The following MEI4 variants were observed in gnomAD, a reference collection of about 807,000 sequenced individuals.
The protein encoded by MEI4 is meiotic double-stranded break formation protein 4.
MEI4 carries 27 observed loss-of-function variants against 31.4 expected under a neutral mutation model. The ratio of observed to expected loss-of-function variants is 0.86; its 90% CI spans 0.63 to 1.19. The LOEUF (loss-of-function observed/expected upper bound fraction) is 1.19, where lower values mean the gene tolerates loss of function less well. Among genes scored for constraint, MEI4 ranks in the 50% most tolerant of loss-of-function variants. The probability of loss-of-function intolerance (pLI) is 0.00; values close to 1 mark genes in which losing one functional copy is unlikely to be tolerated. For synonymous variants in MEI4, 122 were observed against 145.4 expected (o/e 0.84, Z 1.16); for missense variants, 329 against 398.9 (o/e 0.82, Z 1.49).
intron 3 of MEI4, among the ~76,000 whole-genome samples, chr6:77,821,277 T>C (rs560741499): frequency 2.0e-5 from 3 of 152,354 alleles, no homozygotes; most frequent in East Asian, 1.9e-4. Flanking sequence ...TTAACAGATT[T>C]CAAGTTTACT....
At chr6:77,733,315 G>A (rs1767068771) in intron 2 of MEI4, among the ~76,000 whole-genome samples, 2 of 152,106 alleles carry the variant, frequency 1.3e-5, no homozygotes, top group South Asian at 4.2e-4. Context: ...TCCTGTTATT[G>A]GTCTATTCAG....
intron 2 of MEI4, among the ~76,000 whole-genome samples, chr6:77,736,027 C>T (rs1287107122): frequency 6.7e-6 from 1 of 149,430 alleles, no homozygotes; most frequent in African/African-American, 2.4e-5. Context: ...AGAACCACTG[C>T]TCTCTTCAAA....
At chr6:77,776,629 A>G (rs1768449252) in intron 3 of MEI4, among the ~76,000 whole-genome samples, 1 of 152,180 alleles carries the variant, frequency 6.6e-6, no homozygotes, top group Non-Finnish European at 1.5e-5. Context: ...AAGCAGCCAC[A>G]TAAAGAAGGA....
chr6:77,730,858 A>C lies in MEI4; in HGVS notation c.233-30272A>C, dbSNP rs151278629. On this transcript the variant is annotated intron_variant, in intron 2 of 4. Transcript: ENST00000684080. Reference sequence around the variant, plus strand: ...TGTTCTCATTGTTCAATTCCCGCCTATGAGTGAGAATATGCAGTGTTTGGT... The same window carrying C: ...TGTTCTCATTGTTCAATTCCCGCCTCTGAGTGAGAATATGCAGTGTTTGGT... Among the ~76,000 whole-genome samples the C allele has an allele frequency of 5.5e-3, 782 of 143,258 alleles. 14 individuals are homozygous for C. The highest frequency in any genetic ancestry group is 0.019 in the African/African-American group (735 of 37,930). The allele number at this position is 143,258 out of a possible 152,430, so 94.0% of individuals were successfully genotyped here. A position where few individuals can be genotyped will look rare whatever the true frequency, so the allele number is the denominator to read the frequency against.
At chr6:77,897,291 G>A (rs1040653054) in intron 4 of MEI4, among the ~76,000 whole-genome samples, 6 of 151,874 alleles carry the variant, frequency 4.0e-5, no homozygotes, top group Admixed American at 3.9e-4. Flanking sequence ...TGTCCTTATT[G>A]GGAGTTTCAG....
At chr6:77,868,499 CTACATATATATATATATATA>C (rs1771108817) in intron 4 of MEI4, among the ~76,000 whole-genome samples, 1 of 61,770 alleles carries the variant, frequency 1.6e-5, no homozygotes, top group African/African-American at 5.8e-5. Flanking sequence ...GTAAAAAATA[CTACATATATATATATATATA>C]TATATATATG....
intron 4 of MEI4, among the ~76,000 whole-genome samples, chr6:77,846,326 G>A (rs753088743): frequency 3.2e-4 from 48 of 151,606 alleles, no homozygotes; most frequent in Non-Finnish European, 6.6e-4. Flanking sequence ...ATGTTTTTTT[G>A]TCATTCGATG....
chr6:77,740,515 A>G (rs1420998458), intron 2 of MEI4, among the ~76,000 whole-genome samples: 2 of 152,306 alleles, frequency 1.3e-5, no homozygotes, highest in Non-Finnish European at 2.9e-5. Context: ...GCAGAAGTCA[A>G]TTGCTTTAAA....
At chr6:77,807,511 T>G (rs1769469738) in intron 3 of MEI4, among the ~76,000 whole-genome samples, 1 of 152,132 alleles carries the variant, frequency 6.6e-6, no homozygotes, top group Non-Finnish European at 1.5e-5. Flanking sequence ...TTATCTACCC[T>G]TGCTCCTTAA....
chr6:77,750,143 C>A (rs1214213249), intron 2 of MEI4, among the ~76,000 whole-genome samples: 1 of 152,132 alleles, frequency 6.6e-6, no homozygotes, highest in African/African-American at 2.4e-5. Context: ...AAAGGAACAA[C>A]CGGTACCAGT....
At chr6:77,669,443 A>G (rs1347374902) in intron 1 of MEI4, among the ~76,000 whole-genome samples, 2 of 152,230 alleles carry the variant, frequency 1.3e-5, no homozygotes, top group Non-Finnish European at 2.9e-5. Context: ...AGAATAATGC[A>G]GATAATAAAC....
At chr6:77,808,718 T>A (rs1033546046) in intron 3 of MEI4, among the ~76,000 whole-genome samples, 17 of 152,084 alleles carry the variant, frequency 1.1e-4, no homozygotes, top group African/African-American at 4.1e-4. Flanking sequence ...CTGAGATGTG[T>A]AATGTGAAGG....
At chr6:77,675,275 C>T (rs1316221378) in intron 1 of MEI4, among the ~76,000 whole-genome samples, 1 of 152,158 alleles carries the variant, frequency 6.6e-6, no homozygotes, top group South Asian at 2.1e-4. Context: ...GGAATAGTCA[C>T]CTTTTATTGA....
At chr6:77,760,987 C>G (rs1768029116) in intron 2 of MEI4, 143 bp from the exon 3 acceptor site, 1 of 543,534 alleles carries the variant, frequency 1.8e-6, no homozygotes, top group Non-Finnish European at 2.8e-6. Context: ...TTTCTTTACT[C>G]AGTTTTTACA....
At chr6:77,821,988 C>A (rs1769837897) in intron 3 of MEI4, among the ~76,000 whole-genome samples, 1 of 152,074 alleles carries the variant, frequency 6.6e-6, no homozygotes, top group South Asian at 2.1e-4. Flanking sequence ...AAATTTTGTG[C>A]TGGTGATGCT....
intron 4 of MEI4, among the ~76,000 whole-genome samples, chr6:77,866,053 T>C (rs1010105945): frequency 2.0e-5 from 3 of 151,896 alleles, no homozygotes; most frequent in Non-Finnish European, 4.4e-5. Flanking sequence ...ACACTCTCAA[T>C]AAAATAGGTA....
At chr6:77,759,906 T>G (rs78361838) in intron 2 of MEI4, among the ~76,000 whole-genome samples, 2,880 of 152,264 alleles carry the variant, frequency 0.019, 63 homozygotes, top group East Asian at 0.088. Context: ...AGTGCCTCAT[T>G]CCTGTTCCCA....
intron 4 of MEI4, among the ~76,000 whole-genome samples, chr6:77,884,019 G>A (rs974880579): frequency 2.0e-5 from 3 of 151,534 alleles, no homozygotes; most frequent in African/African-American, 4.9e-5. Flanking sequence ...CCTCACCAAC[G>A]GTTGTTATTT....
At chr6:77,827,863 A>T (rs1421312908) in intron 3 of MEI4, among the ~76,000 whole-genome samples, 1 of 152,182 alleles carries the variant, frequency 6.6e-6, no homozygotes, top group Non-Finnish European at 1.5e-5. Context: ...TCTTTGTATG[A>T]ACTTCAGTCA....
Sources: allele counts gnomAD v4.1 joint callset (sites outside exome capture counted in the v4.1 genomes callset), GRCh38; gene constraint gnomAD v4.1.1; transcripts MANE v1.5; gene names NCBI Gene and HGNC (gene_info 2026-07-23, HGNC 2026-07-21).